CNTN5: variants seen among roughly 807,000 people sequenced by gnomAD.
CNTN5 encodes the protein contactin 5, also known as contactin-5.
In CNTN5, 77 loss-of-function variants were observed where a neutral mutation model predicts 129.1. The observed-to-expected ratio is 0.60, with a 90% CI of 0.50 to 0.72. The LOEUF (loss-of-function observed/expected upper bound fraction) is 0.72, where lower values mean the gene tolerates loss of function less well. Ranked by LOEUF, CNTN5 falls within the 30% of genes least tolerant of loss-of-function variation. The pLI is 0.00. For missense variants in CNTN5, 1,478 were observed against 1,328.8 expected, an observed-to-expected ratio of 1.11 and a Z score of -1.75; for synonymous variants, 509 against 465.6, an observed-to-expected ratio of 1.09 and a Z score of -1.20.
At chr11:99,650,345 A>G (rs1415580453) in intron 3 of CNTN5, among the ~76,000 whole-genome samples, 1 of 151,870 alleles carries the variant, frequency 6.6e-6, no homozygotes, top group Non-Finnish European at 1.5e-5. Flanking sequence ...CATGAACTCT[A>G]AGCAAGTGGA....
At chr11:100,207,703 G>A (rs1169492082) in intron 15 of CNTN5, among the ~76,000 whole-genome samples, 1 of 152,082 alleles carries the variant, frequency 6.6e-6, no homozygotes, top group Non-Finnish European at 1.5e-5. Context: ...TGCAAGAAAA[G>A]TTAAATACTT....
chr11:99,047,770 T>A (rs1348952657), intron 1 of CNTN5, among the ~76,000 whole-genome samples: 2 of 152,066 alleles, frequency 1.3e-5, no homozygotes, highest in African/African-American at 4.8e-5. Context: ...TCACAGCTCA[T>A]ATACAAATTA....
At chr11:99,695,672 A>C (rs1954236898) in intron 3 of CNTN5, among the ~76,000 whole-genome samples, 1 of 152,022 alleles carries the variant, frequency 6.6e-6, no homozygotes, top group African/African-American at 2.4e-5. Flanking sequence ...AGGAGGTTTG[A>C]GACCAACCTG....
chr11:100,147,208 C>T (rs1226153162), intron 13 of CNTN5, among the ~76,000 whole-genome samples: 1 of 152,120 alleles, frequency 6.6e-6, no homozygotes, highest in Non-Finnish European at 1.5e-5. Flanking sequence ...CCTGAGACTC[C>T]AGGCAGGGTC....
chr11:100,332,908 A>T (rs1024957017), intron 21 of CNTN5, among the ~76,000 whole-genome samples: 1 of 152,116 alleles, frequency 6.6e-6, no homozygotes, highest in Non-Finnish European at 1.5e-5. Context: ...CACTCTCACC[A>T]CTTCTATTCA....
intron 3 of CNTN5, among the ~76,000 whole-genome samples, chr11:99,579,103 C>T (rs1229697882): frequency 9.2e-5 from 14 of 152,192 alleles, no homozygotes; most frequent in African/African-American, 3.1e-4. Flanking sequence ...TTCCCCATTG[C>T]TTGTTTTTGT....
intron 2 of CNTN5, among the ~76,000 whole-genome samples, chr11:99,393,578 G>T (rs1941373002): frequency 6.6e-6 from 1 of 151,708 alleles, no homozygotes. Flanking sequence ...AGTTTTCTAA[G>T]ACTTTAGGCT....
intron 1 of CNTN5, among the ~76,000 whole-genome samples, chr11:99,180,702 T>C (rs1363214877): frequency 3.3e-5 from 5 of 152,166 alleles, no homozygotes; most frequent in Admixed American, 6.5e-5. Context: ...CTCCATCTGA[T>C]ACTCAATTGT....
At chr11:99,740,660 A>C (rs72985888) in intron 3 of CNTN5, among the ~76,000 whole-genome samples, 1 of 152,046 alleles carries the variant, frequency 6.6e-6, no homozygotes, top group Non-Finnish European at 1.5e-5. Context: ...CCACACCCTC[A>C]GCAGGCATCA....
At chr11:99,091,936 T>C (rs1051140849) in intron 1 of CNTN5, among the ~76,000 whole-genome samples, 11 of 152,160 alleles carry the variant, frequency 7.2e-5, no homozygotes, top group African/African-American at 2.4e-4. Flanking sequence ...TTCTTCAAGA[T>C]TGGAGGAATG....
chr11:99,642,007 T>C (rs1280978493), intron 3 of CNTN5, among the ~76,000 whole-genome samples: 1 of 152,102 alleles, frequency 6.6e-6, no homozygotes, highest in Non-Finnish European at 1.5e-5. Context: ...ATATGATAAT[T>C]GGGCCAAAGA....
intron 2 of CNTN5, among the ~76,000 whole-genome samples, chr11:99,422,517 TTTATATATATATA>T (rs1343024281): frequency 4.0e-5 from 1 of 25,272 alleles, no homozygotes; most frequent in Non-Finnish European, 7.4e-5. Context: ...ACTTTATATT[TTTATATATATATA>T]TATATATATA....
chr11:99,357,682 G>A (rs1463821313), intron 2 of CNTN5, among the ~76,000 whole-genome samples: 4 of 152,144 alleles, frequency 2.6e-5, no homozygotes, highest in Admixed American at 6.5e-5. Flanking sequence ...ATGAGATCAT[G>A]TGAAAATGGA....
intron 10 of CNTN5, among the ~76,000 whole-genome samples, chr11:100,062,070 T>C (rs1375967226): frequency 6.6e-6 from 1 of 152,220 alleles, no homozygotes; most frequent in East Asian, 1.9e-4. Flanking sequence ...TACAATCTCA[T>C]CTTTACTTCT....
chr11:100,241,414 G>A (rs1949739215), intron 16 of CNTN5, among the ~76,000 whole-genome samples: 1 of 152,130 alleles, frequency 6.6e-6, no homozygotes, highest in Non-Finnish European at 1.5e-5. Context: ...CCTTTCACCT[G>A]AAGTTTGTGA....
At chr11:99,652,395 T>A (rs1352353355) in intron 3 of CNTN5, among the ~76,000 whole-genome samples, 1 of 152,080 alleles carries the variant, frequency 6.6e-6, no homozygotes, top group Non-Finnish European at 1.5e-5. Context: ...CCATCATCTT[T>A]GTCATATAAA....
intron 1 of CNTN5, among the ~76,000 whole-genome samples, chr11:99,293,457 C>A (rs889336024): frequency 6.6e-6 from 1 of 151,974 alleles, no homozygotes; most frequent in Non-Finnish European, 1.5e-5. Context: ...TGGAAGTATT[C>A]CTCTTCAATT....
At chr11:100,156,861 A>G (rs940258175) in intron 13 of CNTN5, among the ~76,000 whole-genome samples, 2 of 151,408 alleles carry the variant, frequency 1.3e-5, no homozygotes, top group African/African-American at 4.9e-5. Flanking sequence ...ACCATTTTTT[A>G]GTGTGTCTAT....
At chr11:99,414,189 G>T (rs190674915) in intron 2 of CNTN5, among the ~76,000 whole-genome samples, 331 of 152,256 alleles carry the variant, frequency 2.2e-3, no homozygotes, top group Non-Finnish European at 3.9e-3. Flanking sequence ...TAACGCATTA[G>T]TTCCAGCTGA....
Sources: allele counts gnomAD v4.1 joint callset (sites outside exome capture counted in the v4.1 genomes callset), GRCh38; gene constraint gnomAD v4.1.1; transcripts MANE v1.5; gene names NCBI Gene and HGNC (gene_info 2026-07-23, HGNC 2026-07-21).